TEKT2: variants seen among roughly 807,000 people sequenced by gnomAD.
TEKT2 encodes tektin-2.
A neutral mutation model predicts 49.8 loss-of-function variants in TEKT2; 45 were observed. The observed-to-expected ratio is 0.90, with a 90% CI of 0.71 to 1.16. TEKT2 has a LOEUF of 1.16. TEKT2 is among the 50% of genes most tolerant of loss of function. The pLI is 0.00. For missense variants in TEKT2, 523 were observed against 551.4 expected (o/e 0.95, Z 0.52); for synonymous variants, 202 against 224.6 (o/e 0.90, Z 0.90).
chr1:36,087,171 G>C lies in TEKT2; in HGVS notation c.748-33G>C. ...ATATCCTCAGGCAGCCCTGAGTGTA[G>C]ACCCTCCCCTTGCCCTGTGTTTTCT... On this transcript the variant is annotated intron_variant, in intron 6 of 9. Coordinates refer to ENST00000207457, the MANE Select transcript of TEKT2 (RefSeq NM_014466.3). This position sits in a 1 kb window ranked among gnomAD's most constrained non-coding sequence, Gnocchi z 4.9. 6.2e-7 allele frequency: 1 copy of C among 1,612,850 alleles called. No homozygotes were observed. Among genetic ancestry groups the C allele is most frequent in the South Asian group, 1.1e-5 (1 of 91,046 alleles).
Position 36,084,982 on chromosome 1 carries a change from A to G in TEKT2, c.61A>G (p.Ser21Gly). 6.2e-7 allele frequency: 1 copy of G among 1,614,080 alleles called. No homozygotes were observed. Among genetic ancestry groups the G allele is most frequent in the Non-Finnish European group, 8.5e-7 (1 of 1,180,050 alleles). Residue 21 changes from serine (S) to glycine (G), a missense_variant, in exon 2 of 10, where the codon AGC becomes GGC. Ser to Gly is a moderately conservative substitution (Grantham distance 56). Coordinates refer to ENST00000207457, the MANE Select transcript of TEKT2 (RefSeq NM_014466.3). The surrounding 1 kb of genome is among the most constrained non-coding windows in gnomAD (Gnocchi z 4.1). ...CCAGCTGCCCGACTGGCACACTAAC[A>G]GCTACCTGCTATCCACCAATGCCCA... ...RFQLPDWHTN[S>G]YLLSTNAQLQ...
chr1:36,085,408 C>A, intron 3 of TEKT2, 120 bp downstream of exon 3: 2 of 1,500,684 alleles, frequency 1.3e-6, no homozygotes, highest in Non-Finnish European at 1.8e-6. Flanking sequence ...GAGTCACTGG[C>A]CCCCTGCTAA....
chr1:36,086,065 C>T (rs1209131305), intron 4 of TEKT2, 24 bp downstream of exon 4: 1 of 1,556,750 alleles, frequency 6.4e-7, no homozygotes. Context: ...AGGTCGTCCG[C>T]ATGTTCATGG....
intron 3 of TEKT2, 35 bp downstream of exon 3, chr1:36,085,323 G>A: frequency 6.2e-7 from 1 of 1,612,756 alleles, no homozygotes; most frequent in African/African-American, 1.3e-5. Flanking sequence ...GGGGGCTGCT[G>A]CCGAAACCTC....
Position 36,085,898 on chromosome 1 carries a change from G to A in TEKT2, c.345G>A (p.Glu115=). The change falls in exon 4 of 10, where the codon GAG becomes GAA. Residue 115 remains glutamate, a synonymous_variant. Coordinates refer to ENST00000207457, the MANE Select transcript of TEKT2 (RefSeq NM_014466.3). ...AKNLPLDVAI[E]CLTLRESRRD... is the part of the protein sequence containing the mutation. ...ACCTGCCTCTGGATGTGGCCATTGA[G>A]TGCCTGACCCTGCGGGAAAGCCGGC... is the stretch of plus-strand genomic sequence containing the variant. The A allele has an allele frequency of 1.2e-6, 2 of 1,614,106 alleles. No individual in the cohort carries two copies. Among genetic ancestry groups the A allele is most frequent in the Non-Finnish European group, 1.7e-6 (2 of 1,180,018 alleles).
Position 36,086,975 on chromosome 1 carries a change from A to G in TEKT2, c.677A>G (p.Lys226Arg), listed in dbSNP as rs1259015218. 1 of 1,613,992 alleles carries G rather than the reference A, an allele frequency of 6.2e-7. No homozygotes were observed. The highest frequency in any genetic ancestry group is 8.5e-7 in the Non-Finnish European group (1 of 1,180,026). ...QQWDDFSRFN[K>R]DRAEAEMKAA... is the part of the protein sequence containing the mutation. ...TGGGATGACTTCAGTCGGTTCAACA[A>G]GGACCGAGCGGAGGCTGAGATGAAG... The change falls in exon 6 of 10, where the codon AAG (lysine) becomes AGG (arginine). Residue 226 changes from lysine to arginine, a missense_variant. Physicochemically the swap from Lys to Arg is conservative, Grantham distance 26. Coordinates refer to ENST00000207457, the MANE Select transcript of TEKT2 (RefSeq NM_014466.3).
At chr1:36,086,183 T>A in intron 4 of TEKT2, 142 bp downstream of exon 4, 1 of 884,240 alleles carries the variant, frequency 1.1e-6, no homozygotes, top group Non-Finnish European at 1.8e-6. Flanking sequence ...CAGAAACCAC[T>A]AATCAATTGT....
Position 36,088,035 on chromosome 1 carries a change from C to T in TEKT2, c.1142C>T (p.Ala381Val). The part of the protein sequence containing the change: ...ARLQADIACK[A>V]NSMLLDTKCM... The stretch of plus-strand genomic sequence containing the variant: ...CTGCAGGCTGACATTGCCTGCAAGG[C>T]CAACTCCATGCTGCTGGACACCAAG... Residue 381 changes from alanine to valine, a missense_variant, in exon 10 of 10, where the codon GCC becomes GTC. Physicochemically the swap from Ala to Val is moderately conservative, Grantham distance 64. Coordinates refer to ENST00000207457, the MANE Select transcript of TEKT2 (RefSeq NM_014466.3). The T allele has an allele frequency of 6.2e-7, 1 of 1,612,708 alleles. No individual in the cohort carries two copies. Among genetic ancestry groups the T allele is most frequent in the Non-Finnish European group, 8.5e-7 (1 of 1,179,758 alleles).
Position 36,087,525 on chromosome 1 carries a change from C to A in TEKT2, c.942C>A (p.Ser314=). ...LRTKLLSLKL[S]HTRLEARTYR... ...CAAAGCTCCTGAGCCTGAAGCTGTCCCATACCCGGCTAGAGGCCAGAACCT... is the reference window on the plus strand; with the variant it reads ...CAAAGCTCCTGAGCCTGAAGCTGTCACATACCCGGCTAGAGGCCAGAACCT... The change falls in exon 8 of 10, where the codon TCC becomes TCA. Residue 314 remains serine, a synonymous_variant. Coordinates refer to ENST00000207457, the MANE Select transcript of TEKT2 (RefSeq NM_014466.3). This position sits in a 1 kb window ranked among gnomAD's most constrained non-coding sequence, Gnocchi z 4.9. 1.2e-6 allele frequency: 2 copies of A among 1,613,834 alleles called. No individual in the cohort carries two copies. The highest frequency in any genetic ancestry group is 1.7e-6 in the Non-Finnish European group (2 of 1,180,022).
Position 36,087,204 on chromosome 1 carries a change from A to G in TEKT2, c.748A>G (p.Thr250Ala), listed in dbSNP as rs1643393385. The G allele has an allele frequency of 6.2e-7, 1 of 1,614,048 alleles. No homozygotes were observed. Among genetic ancestry groups the G allele is most frequent in the Non-Finnish European group, 8.5e-7 (1 of 1,180,028 alleles). The change falls in exon 7 of 10, where the codon ACC (threonine) becomes GCC (alanine). Residue 250 changes from threonine to alanine, a missense_variant and splice_region_variant. Coordinates refer to ENST00000207457, the MANE Select transcript of TEKT2 (RefSeq NM_014466.3). This position sits in a 1 kb window ranked among gnomAD's most constrained non-coding sequence, Gnocchi z 4.9. ...REATALTIAE[T>A]NNELEAQRVA... ...CCTTGCCCTGTGTTTTCTCCTTCAG[A>G]CCAACAACGAGCTTGAAGCCCAGAG...
chr1:36,087,289 A>G lies in TEKT2; in HGVS notation c.833A>G (p.Glu278Gly). ...RLREMEKVYS[E>G]LKWQEKNTLE... ...CGGGAGATGGAGAAAGTGTACAGTG[A>G]GCTCAAGTGGCAAGAGAAGAATGTG... The change falls in exon 7 of 10, where the codon GAG becomes GGG. Residue 278 changes from glutamate to glycine, a missense_variant. Coordinates refer to ENST00000207457, the MANE Select transcript of TEKT2 (RefSeq NM_014466.3). The surrounding 1 kb of genome is among the most constrained non-coding windows in gnomAD (Gnocchi z 4.9). The G allele has an allele frequency of 6.2e-7, 1 of 1,614,108 alleles. No individual in the cohort carries two copies. Among genetic ancestry groups the G allele is most frequent in the Non-Finnish European group, 8.5e-7 (1 of 1,180,038 alleles).
Position 36,085,827 on chromosome 1 carries a change from CTT to C in TEKT2, c.283-6_283-5del. ...GAGCCACCGTGCCCGGCCGCGCCCT[CTT>C]TTCTAGATGAAGGAGTCAGCAGAGC... On this transcript the variant is annotated splice_polypyrimidine_tract_variant and splice_region_variant and intron_variant, in intron 3 of 9. Coordinates refer to ENST00000207457, the MANE Select transcript of TEKT2 (RefSeq NM_014466.3). 1 of 1,612,896 alleles carries C rather than the reference CTT, an allele frequency of 6.2e-7. No homozygotes were observed. Among genetic ancestry groups the C allele is most frequent in the East Asian group, 2.2e-5 (1 of 44,844 alleles).
Position 36,086,651 on chromosome 1 carries a change from G to C in TEKT2, c.489-53G>C, listed in dbSNP as rs1207467974. 1.7e-5 allele frequency: 28 copies of C among 1,613,094 alleles called. No individual in the cohort carries two copies. The South Asian group carries it at 2.5e-4, about 15-fold the overall frequency. ...TGTGGTGTCCCTTTAGTACAGTGAG[G>C]CCTGCCTCTGGCCCTTGGGGGATGG... On this transcript the variant is annotated intron_variant, in intron 4 of 9. Transcript: ENST00000207457.
intron 2 of TEKT2, 39 bp from the exon 3 acceptor site, chr1:36,085,124 C>A (rs1643347868): frequency 6.2e-7 from 1 of 1,614,244 alleles, no homozygotes; most frequent in Non-Finnish European, 8.5e-7. Context: ...TAGCCCCCAA[C>A]CCCTTGACAC....
At chr1:36,086,364 T>C (rs1324287931) in intron 4 of TEKT2, among the ~76,000 whole-genome samples, 2 of 152,142 alleles carry the variant, frequency 1.3e-5, no homozygotes, top group African/African-American at 4.8e-5. Context: ...GCTACATCCG[T>C]GTGCCCCGCA....
chr1:36,084,833 C>G lies in TEKT2; in HGVS notation c.-52-37C>G, dbSNP rs1643340957. Reference sequence around the variant, plus strand: ...GGGGGCGTGTGATCCAGGAGGTCTCCGGAAAGGTCTCCCGCAGCAGTGTTT... The same window carrying G: ...GGGGGCGTGTGATCCAGGAGGTCTCGGGAAAGGTCTCCCGCAGCAGTGTTT... On this transcript the variant is annotated intron_variant, in intron 1 of 9. Transcript: ENST00000207457. This position sits in a 1 kb window ranked among gnomAD's most constrained non-coding sequence, Gnocchi z 4.1. 6.3e-7 allele frequency: 1 copy of G among 1,597,570 alleles called. No homozygotes were observed. Among genetic ancestry groups the G allele is most frequent in the Non-Finnish European group, 8.6e-7 (1 of 1,167,962 alleles).
rs1196493141 is a variant in TEKT2, at chr1:36,087,100, T to C, written c.747+55T>C. The C allele has an allele frequency of 1.9e-6, 3 of 1,606,680 alleles. No individual in the cohort carries two copies. The Admixed American group carries it at 5.1e-5, about 27-fold the overall frequency. On this transcript the variant is annotated intron_variant, in intron 6 of 9. Coordinates refer to ENST00000207457, the MANE Select transcript of TEKT2 (RefSeq NM_014466.3). This position sits in a 1 kb window ranked among gnomAD's most constrained non-coding sequence, Gnocchi z 4.9. The stretch of plus-strand genomic sequence containing the variant: ...TCCCAGTGTGCGCTCAGCCCTTATC[T>C]TCTGTTCCCTGCTGTGCATGTGGCC...
At chr1:36,085,592 G>A (rs1643359509) in intron 3 of TEKT2, 3 of 504,362 alleles carry the variant, frequency 5.9e-6, no homozygotes, top group Non-Finnish European at 1.0e-5. Context: ...GTGGCTCACT[G>A]CAACCTCCGC....
chr1:36,084,929 C>T lies in TEKT2; in HGVS notation c.8C>T (p.Thr3Met), dbSNP rs755402009. The T allele has an allele frequency of 1.2e-6, 2 of 1,613,952 alleles. No individual in the cohort carries two copies. The highest frequency in any genetic ancestry group is 1.1e-5 in the South Asian group (1 of 91,076). Residue 3 changes from threonine to methionine, a missense_variant, in exon 2 of 10, where the codon ACG becomes ATG. Thr to Met is a moderately conservative substitution (Grantham distance 81, BLOSUM62 -1). Transcript: ENST00000207457. The surrounding 1 kb of genome is among the most constrained non-coding windows in gnomAD (Gnocchi z 4.1). MA[T>M]LSVKPSRRFQ... ...CCTTCTGGTTTCTGTGCCATGGCCA[C>T]GCTGAGCGTCAAGCCAAGTCGGCGC...
Sources: gnomAD v4.1 joint callset for allele counts (sites outside exome capture counted in the v4.1 genomes callset) on GRCh38, gnomAD v4.1.1 for gene constraint, Gnocchi (gnomAD v3.1) non-coding constraint, MANE v1.5 for transcripts, NCBI Gene and HGNC (gene_info 2026-07-23, HGNC 2026-07-21) for gene names.